Variants in ST18 observed in about 807,000 individuals in gnomAD.
The protein encoded by ST18 is suppression of tumorigenicity 18 protein.
ST18 carries 50 observed loss-of-function variants against 110.0 expected under a neutral mutation model. The ratio of observed to expected loss-of-function variants is 0.45; its 90% CI spans 0.36 to 0.58. ST18 has a LOEUF of 0.58. Among genes scored for constraint, ST18 ranks in the 20% least tolerant of loss-of-function variants. The pLI is 0.00. For synonymous variants in ST18, 461 were observed against 452.4 expected, an observed-to-expected ratio of 1.02 and a Z score of -0.24; for missense variants, 1,306 against 1,280.1, an observed-to-expected ratio of 1.02 and a Z score of -0.31.
chr8:52,115,361 A>T (rs779637283), intron 25 of ST18, among the ~76,000 whole-genome samples: 7 of 152,250 alleles, frequency 4.6e-5, no homozygotes, highest in Non-Finnish European at 1.0e-4. Flanking sequence ...AATATGTAAA[A>T]GAAGTTAATT....
chr8:52,280,368 T>C (rs936842803), intron 2 of ST18, among the ~76,000 whole-genome samples: 30 of 152,052 alleles, frequency 2.0e-4, no homozygotes, highest in Admixed American at 6.5e-5. Flanking sequence ...AATACAACTA[T>C]ATGGCTTCTT....
chr8:52,361,800 GT>G (rs1360230631), intron 2 of ST18, among the ~76,000 whole-genome samples: 1 of 152,098 alleles, frequency 6.6e-6, no homozygotes, highest in Non-Finnish European at 1.5e-5. Context: ...GAGAGGTAGG[GT>G]TTTATTTCTA....
chr8:52,168,418 T>C (rs941092836), intron 10 of ST18, among the ~76,000 whole-genome samples: 1 of 151,880 alleles, frequency 6.6e-6, no homozygotes, highest in Admixed American at 6.6e-5. Flanking sequence ...CGGGGTGCTG[T>C]ATTGTGAGAG....
In ST18 at chr8:52,180,152, G is replaced by T. The variant is rs771085295; in HGVS notation, c.247C>A (p.Pro83Thr). 6.2e-7 allele frequency: 1 copy of T among 1,613,982 alleles called. No individual in the cohort carries two copies. Among genetic ancestry groups the T allele is most frequent in the East Asian group, 2.2e-5 (1 of 44,866 alleles). ...DRSDRTEDDG[P>T]LETHGHSTAE... ...GTAGAGTGACCATGTGTTTCCAAGGGGCCATCGTCCTCTGTCCTGTCACTG... is the reference window on the plus strand; with the variant it reads ...GTAGAGTGACCATGTGTTTCCAAGGTGCCATCGTCCTCTGTCCTGTCACTG... The change falls in exon 9 of 26, where the codon CCC becomes ACC. Residue 83 changes from proline to threonine, a missense_variant. Physicochemically the swap from Pro to Thr is conservative, Grantham distance 38. Coordinates refer to ENST00000689386, the MANE Select transcript of ST18 (RefSeq NM_001352837.2).
chr8:52,113,743 G>A (rs1203826113), intron 25 of ST18, among the ~76,000 whole-genome samples: 1 of 152,058 alleles, frequency 6.6e-6, no homozygotes, highest in Non-Finnish European at 1.5e-5. Context: ...GTACTAAGTG[G>A]TGCCCTTAAC....
At chr8:52,154,776 G>C (rs961285495) in intron 15 of ST18, 1 of 152,120 alleles carries the variant, frequency 6.6e-6, no homozygotes, top group Non-Finnish European at 1.5e-5. Flanking sequence ...AATTTTGGGA[G>C]GCTGAGGCAG....
intron 2 of ST18, among the ~76,000 whole-genome samples, chr8:52,316,981 A>T (rs187894632): frequency 2.2e-4 from 34 of 152,348 alleles, no homozygotes; most frequent in Admixed American, 1.5e-3. Context: ...TACCCAATTC[A>T]CAAACAATGT....
intron 2 of ST18, chr8:52,313,372 A>T (rs1436507329): frequency 3.3e-5 from 5 of 152,486 alleles, no homozygotes; most frequent in African/African-American, 1.2e-4. Context: ...CCACATGCAG[A>T]TGTTGGTGTT....
At chr8:52,380,478 C>T (rs1376940495) in intron 2 of ST18, among the ~76,000 whole-genome samples, 2 of 152,050 alleles carry the variant, frequency 1.3e-5, no homozygotes, top group African/African-American at 2.4e-5. Flanking sequence ...GAGACGGGCA[C>T]CCCTAATCTC....
intron 3 of ST18, among the ~76,000 whole-genome samples, chr8:52,227,192 A>G (rs992395482): frequency 6.6e-6 from 1 of 152,206 alleles, no homozygotes; most frequent in African/African-American, 2.4e-5. Context: ...AGATTTTTAA[A>G]AAATACACGT....
At chr8:52,404,218 G>C (rs2141135049) in intron 2 of ST18, 1 of 152,324 alleles carries the variant, frequency 6.6e-6, no homozygotes, top group South Asian at 2.1e-4. Context: ...ATTAGAAAAA[G>C]ATTGGATTAG....
chr8:52,164,277 T>A (rs917782698), intron 12 of ST18, among the ~76,000 whole-genome samples, 187 bp from the exon 13 acceptor site: 2 of 152,174 alleles, frequency 1.3e-5, no homozygotes, highest in African/African-American at 4.8e-5. Flanking sequence ...CTTGCTCCCA[T>A]CCCCATCTCA....
intron 2 of ST18, among the ~76,000 whole-genome samples, chr8:52,320,387 T>C (rs952450729): frequency 2.0e-5 from 3 of 152,130 alleles, no homozygotes; most frequent in Non-Finnish European, 4.4e-5. Context: ...ATTTTTTTTT[T>C]ACCACAAATA....
intron 2 of ST18, among the ~76,000 whole-genome samples, chr8:52,263,119 A>G (rs1402464201): frequency 6.6e-6 from 1 of 152,194 alleles, no homozygotes; most frequent in African/African-American, 2.4e-5. Flanking sequence ...GTTTAAATAT[A>G]GTGCTGGTTT....
chr8:52,270,953 G>A (rs890147034), intron 2 of ST18, among the ~76,000 whole-genome samples: 10 of 151,502 alleles, frequency 6.6e-5, no homozygotes, highest in African/African-American at 2.4e-4. Flanking sequence ...CACCCAGGCT[G>A]GAGGGCATCT....
chr8:52,340,289 C>T (rs533943823), intron 2 of ST18, among the ~76,000 whole-genome samples: 6 of 152,186 alleles, frequency 3.9e-5, no homozygotes, highest in African/African-American at 1.4e-4. Context: ...CCATCAATAC[C>T]AGACCAACAA....
Position 52,143,036 on chromosome 8 carries a change from C to T in ST18, c.2062G>A (p.Val688Met). The T allele has an allele frequency of 6.2e-7, 1 of 1,602,472 alleles. No individual in the cohort carries two copies. Among genetic ancestry groups the T allele is most frequent in the Non-Finnish European group, 8.5e-7 (1 of 1,170,124 alleles). ...KTEEEKEKDPVSSLENLEEKK... is the reference protein window; with the variant it reads ...KTEEEKEKDPMSSLENLEEKK... Reference sequence around the variant, plus strand: ...TCCTCTAAATTTTCTAGAGAGCTCACTGGGTCTTTCTGGAAAACAAACAAA... The same window carrying T: ...TCCTCTAAATTTTCTAGAGAGCTCATTGGGTCTTTCTGGAAAACAAACAAA... The change falls in exon 17 of 26, where the codon GTG (valine) becomes ATG (methionine). Residue 688 changes from valine (V) to methionine (M), a missense_variant. Coordinates refer to ENST00000689386, the MANE Select transcript of ST18 (RefSeq NM_001352837.2).
At chr8:52,137,734 A>G (rs763032390) in intron 17 of ST18, 13 of 436,200 alleles carry the variant, frequency 3.0e-5, no homozygotes, top group Non-Finnish European at 5.3e-5. Flanking sequence ...CGATTATTTG[A>G]TTCCATTGAT....
At chr8:52,339,736 G>T (rs989279872) in intron 2 of ST18, among the ~76,000 whole-genome samples, 1 of 152,198 alleles carries the variant, frequency 6.6e-6, no homozygotes, top group South Asian at 2.1e-4. Flanking sequence ...CCACACAAAG[G>T]GTGCTCAGGG....
Sources: gnomAD v4.1 joint callset for allele counts (sites outside exome capture counted in the v4.1 genomes callset) on GRCh38, gnomAD v4.1.1 for gene constraint, MANE v1.5 for transcripts, NCBI Gene and HGNC (gene_info 2026-07-23, HGNC 2026-07-21) for gene names.